RMDN2: variants seen among roughly 807,000 people sequenced by gnomAD.
RMDN2 encodes regulator of microtubule dynamics 2.
In RMDN2, 61 loss-of-function variants were observed where a neutral mutation model predicts 52.8. The observed-to-expected ratio is 1.16, with a 90% CI of 0.94 to 1.43. The LOEUF is 1.43. Among genes scored for constraint, RMDN2 ranks in the 40% most tolerant of loss-of-function variants. The probability of loss-of-function intolerance (pLI) is 0.00; values close to 1 mark genes in which losing one functional copy is unlikely to be tolerated. For missense variants in RMDN2, 592 were observed against 475.3 expected (o/e 1.25, Z -2.28); for synonymous variants, 180 against 153.1 (o/e 1.18, Z -1.30).
At position 37,929,283 on chromosome 2, in the gene RMDN2, T is replaced by G. The variant is rs144614322; in HGVS notation, c.6T>G (p.Pro2=). Residue 2 remains proline (P), a synonymous_variant, in exon 2 of 11, where the codon CCT becomes CCG. Coordinates refer to ENST00000354545, the MANE Select transcript of RMDN2 (RefSeq NM_001170791.3). ...TTAGAAACGAAAACCAAGAAATGCC[T>G]TATTCCACAAACAAAGAGTTGATAC... M[P]YSTNKELILG... 1.6e-5 allele frequency: 25 copies of G among 1,519,146 alleles called. No homozygotes were observed. In the East Asian group the frequency reaches 5.4e-4, roughly 33 times the overall value. The allele number at this position is 1,519,146 out of a possible 1,614,324, so 94.1% of individuals were successfully genotyped here. A position where few individuals can be genotyped will look rare whatever the true frequency, so the allele number is the denominator to read the frequency against.
chr2:38,060,841 G>T (rs919195658), intron 10 of RMDN2, among the ~76,000 whole-genome samples: 2 of 152,138 alleles, frequency 1.3e-5, no homozygotes, highest in African/African-American at 4.8e-5. Context: ...AACACCAGGG[G>T]ATGGGAGATC....
chr2:37,926,709 G>T (rs542420810), intron 1 of RMDN2, among the ~76,000 whole-genome samples: 15 of 152,338 alleles, frequency 9.8e-5, no homozygotes, highest in African/African-American at 3.4e-4. Flanking sequence ...AGAGGTGGAG[G>T]CAGGATTGCT....
At chr2:38,043,837 G>T (rs562516867) in intron 10 of RMDN2, among the ~76,000 whole-genome samples, 35 of 151,946 alleles carry the variant, frequency 2.3e-4, no homozygotes, top group African/African-American at 8.0e-4. Flanking sequence ...TTATCCATAT[G>T]CCATAATCGC....
chr2:38,058,832 T>G (rs1681937472), intron 10 of RMDN2, among the ~76,000 whole-genome samples: 1 of 152,198 alleles, frequency 6.6e-6, no homozygotes, highest in African/African-American at 2.4e-5. Context: ...GCCAGGTCAT[T>G]GGAAAACGCA....
chr2:38,063,499 C>A (rs992911641), intron 10 of RMDN2, among the ~76,000 whole-genome samples: 5 of 152,132 alleles, frequency 3.3e-5, no homozygotes, highest in African/African-American at 1.2e-4. Flanking sequence ...TGGGCAAGGA[C>A]TTCATGTCTA....
chr2:37,940,989 T>C (rs762792419), intron 2 of RMDN2, among the ~76,000 whole-genome samples: 3 of 152,248 alleles, frequency 2.0e-5, no homozygotes, highest in Non-Finnish European at 2.9e-5. Context: ...TTTTGGAATT[T>C]TCAGCCTATT....
chr2:37,949,490 T>C (rs1455342881), intron 2 of RMDN2, among the ~76,000 whole-genome samples: 1 of 152,182 alleles, frequency 6.6e-6, no homozygotes, highest in Non-Finnish European at 1.5e-5. Flanking sequence ...TGCTTTGCTA[T>C]GCTGTAAGTA....
chr2:38,005,989 G>A (rs7562988), intron 10 of RMDN2, among the ~76,000 whole-genome samples: 51,004 of 152,010 alleles, frequency 0.34, 9,599 homozygotes, highest in East Asian at 0.67. Context: ...TTTTTGTCAG[G>A]TTTGTCAAAG....
intron 10 of RMDN2, among the ~76,000 whole-genome samples, chr2:38,025,323 A>C (rs77553671): frequency 0.042 from 6,339 of 152,078 alleles, 465 homozygotes; most frequent in African/African-American, 0.15. Context: ...AGTTGTGTAC[A>C]CTGATCTTGC....
intron 8 of RMDN2, chr2:38,002,975 G>A (rs150133087): frequency 6.6e-6 from 1 of 152,224 alleles, no homozygotes; most frequent in Non-Finnish European, 1.5e-5. Flanking sequence ...GAGCTGTCTA[G>A]TGACAATACC....
chr2:38,008,755 A>T (rs1573065430), intron 10 of RMDN2, among the ~76,000 whole-genome samples: 1 of 152,168 alleles, frequency 6.6e-6, no homozygotes, highest in East Asian at 1.9e-4. Context: ...TTATGATGTT[A>T]GCTGGTTATT....
At position 38,055,758 on chromosome 2, in the gene RMDN2, T is replaced by C. The variant is rs1293429271; in HGVS notation, c.1714-11224T>C. Among the ~76,000 whole-genome samples, 3 of 152,114 alleles carry C rather than the reference T, an allele frequency of 2.0e-5. No homozygotes were observed. The East Asian group carries it at 5.8e-4, about 29-fold the overall frequency. ...AGAAACCCTTCAAGCAGCCCTTCAA[T>C]AGACCTTCCCCTTGCAACTCATCAG... On this transcript the variant is annotated intron_variant, in intron 10 of 10. Transcript: ENST00000234195.
At chr2:37,992,978 G>A (rs1275967014) in intron 7 of RMDN2, among the ~76,000 whole-genome samples, 1 of 152,014 alleles carries the variant, frequency 6.6e-6, no homozygotes, top group Non-Finnish European at 1.5e-5. Context: ...GCAGTGGCAT[G>A]ATCTCGGCTC....
chr2:37,975,232 T>A lies in RMDN2; in HGVS notation c.648T>A (p.Phe216Leu), dbSNP rs1672312168. The change falls in exon 4 of 11, where the codon TTT (phenylalanine) becomes TTA (leucine). Residue 216 changes from phenylalanine to leucine, a missense_variant. Transcript: ENST00000354545. ...HKEKFRDEIE[F>L]MWRFARAYGD... ...TTCAGTTTAGAGATGAAATAGAGTTTATGTGGCGATTTGCTCGTGCTTATG... is the reference window on the plus strand; with the variant it reads ...TTCAGTTTAGAGATGAAATAGAGTTAATGTGGCGATTTGCTCGTGCTTATG... 1.9e-6 allele frequency: 3 copies of A among 1,606,004 alleles called. No individual in the cohort carries two copies. Among genetic ancestry groups the A allele is most frequent in the Non-Finnish European group, 2.6e-6 (3 of 1,172,824 alleles).
chr2:37,921,671 A>C (rs1436098801), upstream of RMDN2, among the ~76,000 whole-genome samples: 1 of 152,214 alleles, frequency 6.6e-6, no homozygotes, highest in African/African-American at 2.4e-5. Context: ...GAGTCCCTTC[A>C]AGTGTTCTAT....
intron 10 of RMDN2, among the ~76,000 whole-genome samples, chr2:38,065,816 T>C (rs770446841): frequency 3.9e-5 from 6 of 152,230 alleles, no homozygotes; most frequent in Non-Finnish European, 8.8e-5. Context: ...GCATGACTGC[T>C]TGTTTGTTTG....
At chr2:38,039,075 CACACACACACACACACACAG>C (rs1474673954) in intron 10 of RMDN2, among the ~76,000 whole-genome samples, 3 of 87,612 alleles carry the variant, frequency 3.4e-5, no homozygotes, top group African/African-American at 1.3e-4. Flanking sequence ...CACACACACA[CACACACACACACACACACAG>C]AGAGAGAGAT....
upstream of RMDN2, chr2:37,923,500 G>A (rs1235844974): frequency 7.2e-5 from 11 of 152,134 alleles, no homozygotes; most frequent in South Asian, 1.9e-3. Flanking sequence ...ATACTGAAAA[G>A]CTCCTTTTAA....
intron 2 of RMDN2, among the ~76,000 whole-genome samples, chr2:37,967,654 C>G (rs1671241574): frequency 6.6e-6 from 1 of 152,202 alleles, no homozygotes; most frequent in Non-Finnish European, 1.5e-5. Context: ...AAAGCATCAT[C>G]AGAGTATTCT....
Sources: allele counts gnomAD v4.1 joint callset (sites outside exome capture counted in the v4.1 genomes callset), GRCh38; gene constraint gnomAD v4.1.1; transcripts MANE v1.5; gene names NCBI Gene and HGNC (gene_info 2026-07-23, HGNC 2026-07-21).